Variants in PARD3B observed in about 807,000 individuals in gnomAD.
PARD3B encodes the protein partitioning defective 3 homolog B.
A neutral mutation model predicts 130.2 loss-of-function variants in PARD3B; 103 were observed. The observed-to-expected ratio is 0.79, with a 90% confidence interval of 0.67 to 0.93. PARD3B has a LOEUF of 0.93. Ranked by LOEUF, PARD3B falls within the 40% of genes least tolerant of loss-of-function variation. The pLI is 0.00. For synonymous variants in PARD3B, 583 were observed against 553.2 expected (o/e 1.05, Z -0.76); for missense variants, 1,609 against 1,499.2 (o/e 1.07, Z -1.21).
At chr2:205,069,612 CT>C (rs1392162151) in intron 4 of PARD3B, among the ~76,000 whole-genome samples, 5 of 151,890 alleles carry the variant, frequency 3.3e-5, no homozygotes, top group African/African-American at 1.2e-4. Flanking sequence ...GTAGATTATA[CT>C]TACTGTGATA....
At chr2:205,570,431 T>G (rs935124542) in intron 22 of PARD3B, among the ~76,000 whole-genome samples, 1 of 152,202 alleles carries the variant, frequency 6.6e-6, no homozygotes, top group Non-Finnish European at 1.5e-5. Flanking sequence ...CGTAAAAACT[T>G]ATGAGAAGAA....
intron 2 of PARD3B, among the ~76,000 whole-genome samples, chr2:204,950,141 T>C (rs73984430): frequency 0.018 from 2,679 of 152,328 alleles, 74 homozygotes; most frequent in African/African-American, 0.061. Context: ...GCTGATGTTT[T>C]ACTGATGGCT....
At chr2:204,834,790 A>G (rs1035653008) in intron 2 of PARD3B, among the ~76,000 whole-genome samples, 3 of 152,230 alleles carry the variant, frequency 2.0e-5, no homozygotes, top group Non-Finnish European at 4.4e-5. Context: ...TTATTAAACC[A>G]AAAGTGATCA....
At chr2:205,087,296 A>T (rs961860295) in intron 4 of PARD3B, among the ~76,000 whole-genome samples, 1 of 152,192 alleles carries the variant, frequency 6.6e-6, no homozygotes, top group African/African-American at 2.4e-5. Flanking sequence ...TTGCTACTCC[A>T]TTGATTAAAA....
At chr2:204,693,351 G>A (rs1031379205) in intron 2 of PARD3B, among the ~76,000 whole-genome samples, 31 of 151,916 alleles carry the variant, frequency 2.0e-4, no homozygotes, top group African/African-American at 6.8e-4. Flanking sequence ...TTTGTGCCTC[G>A]TATGTAGGCA....
At chr2:205,364,786 A>G (rs1461773623) in intron 18 of PARD3B, among the ~76,000 whole-genome samples, 1 of 152,206 alleles carries the variant, frequency 6.6e-6, no homozygotes, top group Non-Finnish European at 1.5e-5. Flanking sequence ...ACAATAATGG[A>G]GGCCTACAAT....
rs2029871268 is a variant in PARD3B at position 205,116,687 on chromosome 2, G to T, written c.681-2234G>T. On this transcript the variant is annotated intron_variant, in intron 6 of 22. Transcript: ENST00000406610. This position sits in a 1 kb window ranked among gnomAD's most constrained non-coding sequence, Gnocchi z 4.5. ...TTGTTTTCTGAGCCTTCTTGTATTG[G>T]TCTGGATGAAATCAAACTGGAGGGA... 6.6e-6 allele frequency among the ~76,000 whole-genome samples: 1 copy of T among 152,102 alleles called. No individual in the cohort carries two copies. Among genetic ancestry groups the T allele is most frequent in the African/African-American group, 2.4e-5 (1 of 41,408 alleles).
At chr2:205,086,629 C>T (rs1355084817) in intron 4 of PARD3B, among the ~76,000 whole-genome samples, 1 of 152,132 alleles carries the variant, frequency 6.6e-6, no homozygotes, top group East Asian at 1.9e-4. Flanking sequence ...TTATACGTTT[C>T]ATGACAGTGG....
At chr2:204,838,481 T>C (rs957629574) in intron 2 of PARD3B, among the ~76,000 whole-genome samples, 27 of 152,008 alleles carry the variant, frequency 1.8e-4, no homozygotes, top group African/African-American at 5.3e-4. Flanking sequence ...TCCCAAACTG[T>C]TGGGATTACA....
At chr2:205,607,029 C>T (rs1233640807) in intron 22 of PARD3B, among the ~76,000 whole-genome samples, 1 of 152,126 alleles carries the variant, frequency 6.6e-6, no homozygotes, top group Middle Eastern at 3.2e-3. Context: ...GTTCAAGGTA[C>T]TAGACCTGGA....
intron 18 of PARD3B, among the ~76,000 whole-genome samples, chr2:205,310,829 T>G (rs1024957968): frequency 2.0e-5 from 3 of 147,622 alleles, no homozygotes; most frequent in African/African-American, 7.4e-5. Flanking sequence ...GTTCAAGTGA[T>G]TCTCCTGCCT....
Position 204,737,565 on chromosome 2 carries a change from G to A in PARD3B, c.222+51283G>A, listed in dbSNP as rs560599642. Among the ~76,000 whole-genome samples the A allele has an allele frequency of 1.8e-4, 28 of 152,246 alleles. No homozygotes were observed. In the South Asian group the frequency reaches 1.9e-3, roughly 10 times the overall value. Reference sequence around the variant, plus strand: ...CTCTGCTTATTGTTTCTTTTGCTGTGTGGAAGCTTTTTAGCTTAATTTGGT... The same window carrying A: ...CTCTGCTTATTGTTTCTTTTGCTGTATGGAAGCTTTTTAGCTTAATTTGGT... On this transcript the variant is annotated intron_variant, in intron 2 of 22. Coordinates refer to ENST00000406610, the MANE Select transcript of PARD3B (RefSeq NM_001302769.2).
intron 16 of PARD3B, among the ~76,000 whole-genome samples, chr2:205,270,943 C>T (rs2105798100): frequency 6.6e-6 from 1 of 152,220 alleles, no homozygotes; most frequent in East Asian, 1.9e-4. Flanking sequence ...GAAGTAAGAA[C>T]ATACCGGATT....
chr2:204,644,531 A>G (rs998578321), intron 1 of PARD3B, among the ~76,000 whole-genome samples: 6 of 152,190 alleles, frequency 3.9e-5, no homozygotes, highest in Non-Finnish European at 8.8e-5. Context: ...TATTTTAACA[A>G]TAAAAGCAAA....
At position 205,309,841 on chromosome 2, in the gene PARD3B, G is replaced by T. The variant is rs2042311480; in HGVS notation, c.2630+8140G>T. 6.6e-6 allele frequency among the ~76,000 whole-genome samples: 1 copy of T among 152,076 alleles called. No individual in the cohort carries two copies. On this transcript the variant is annotated intron_variant, in intron 18 of 22. Transcript: ENST00000406610. This position sits in a 1 kb window ranked among gnomAD's most constrained non-coding sequence, Gnocchi z 4.7. Reference sequence around the variant, plus strand: ...GTAAAATTTAAGTTAAACGGTTTAGGTAAGCAAAGCTGTCAGTGTAGTGCC... The same window carrying T: ...GTAAAATTTAAGTTAAACGGTTTAGTTAAGCAAAGCTGTCAGTGTAGTGCC...
chr2:204,747,137 C>T (rs2040268512), intron 2 of PARD3B, among the ~76,000 whole-genome samples: 2 of 152,098 alleles, frequency 1.3e-5, no homozygotes, highest in Non-Finnish European at 2.9e-5. Context: ...TTTAATCCAT[C>T]TTTAATTGAT....
chr2:204,702,053 G>C (rs942207436), intron 2 of PARD3B, among the ~76,000 whole-genome samples: 1 of 152,158 alleles, frequency 6.6e-6, no homozygotes, highest in African/African-American at 2.4e-5. Context: ...CTGCATTCAT[G>C]TTGCTGCGAA....
intron 15 of PARD3B, among the ~76,000 whole-genome samples, chr2:205,217,052 G>T (rs904449680): frequency 5.9e-5 from 9 of 152,068 alleles, no homozygotes; most frequent in Non-Finnish European, 1.3e-4. Context: ...AAGGCAAAAG[G>T]GTACGCCAAC....
intron 21 of PARD3B, among the ~76,000 whole-genome samples, chr2:205,505,359 G>T (rs940569462): frequency 1.3e-5 from 2 of 151,662 alleles, no homozygotes; most frequent in African/African-American, 4.9e-5. Context: ...CCTGCACGCT[G>T]TGCACGTGTA....
Sources: allele counts gnomAD v4.1 joint callset (sites outside exome capture counted in the v4.1 genomes callset), GRCh38; gene constraint gnomAD v4.1.1; non-coding constraint Gnocchi (gnomAD v3.1); transcripts MANE v1.5; gene names NCBI Gene and HGNC (gene_info 2026-07-23, HGNC 2026-07-21).